FUCA2: variants seen among roughly 807,000 people sequenced by gnomAD.
FUCA2 encodes the protein alpha-L-fucosidase 2.
Under a neutral mutation model 52.6 loss-of-function variants are expected in FUCA2, and 41 were observed. The ratio of observed to expected loss-of-function variants is 0.78; its 90% CI spans 0.61 to 1.01. The LOEUF is 1.01. FUCA2 is among the 50% of genes least tolerant of loss of function. The pLI is 0.00. For synonymous variants in FUCA2, 211 were observed against 217.3 expected (o/e 0.97, Z 0.26); for missense variants, 507 against 569.5 (o/e 0.89, Z 1.12).
rs2128421923 is a variant in FUCA2, at chr6:143,502,208, T to C, written c.964-86A>G. The C allele has an allele frequency of 7.6e-7, 1 of 1,320,988 alleles. No individual in the cohort carries two copies. The highest frequency in any genetic ancestry group is 2.2e-4 in the Middle Eastern group (1 of 4,630). The allele number at this position is 1,320,988 out of a possible 1,614,324, so 81.8% of individuals were successfully genotyped here. On this transcript the variant is annotated intron_variant, in intron 4 of 6. Transcript: ENST00000002165. This position sits in a 1 kb window ranked among gnomAD's most constrained non-coding sequence, Gnocchi z 4.1. ...TATGTTGCATTTATATATTTATACA[T>C]GTATATATAGTCACTGCCTAGAAGA...
rs781434054 is a variant in FUCA2 at position 143,511,577 on chromosome 6, G to GCAGCAA, written c.52_57dup (p.Leu20_Leu21dup). On this transcript the variant is annotated inframe_insertion, in exon 1 of 7. Coordinates refer to ENST00000002165, the MANE Select transcript of FUCA2 (RefSeq NM_032020.5). The surrounding 1 kb of genome is among the most constrained non-coding windows in gnomAD (Gnocchi z 6.3). Reference sequence around the variant, plus strand: ...GCAGGGCACGGCGGCGGCGGCAGCAGCAGCAACAGCAACAGCAGCAACGGG... The same window carrying GCAGCAA: ...GCAGGGCACGGCGGCGGCGGCAGCAGCAGCAACAGCAACAGCAACAGCAGCAACGGG... 44 of 1,559,540 alleles carry GCAGCAA rather than the reference G, an allele frequency of 2.8e-5. No homozygotes were observed. Among genetic ancestry groups the GCAGCAA allele is most frequent in the East Asian group, 1.9e-4 (8 of 41,260 alleles).
chr6:143,507,679 C>CT lies in FUCA2; in HGVS notation c.225-256dup, dbSNP rs1204955549. Among the ~76,000 whole-genome samples the CT allele has an allele frequency of 6.6e-6, 1 of 151,872 alleles. No homozygotes were observed. Among genetic ancestry groups the CT allele is most frequent in the African/African-American group, 2.4e-5 (1 of 41,356 alleles). ...TAGGCAACTCAGCTACCCATTCTCT[C>CT]TTTTTTTTAAGACAGGGTCTCACTC... On this transcript the variant is annotated intron_variant, in intron 1 of 6. Coordinates refer to ENST00000002165, the MANE Select transcript of FUCA2 (RefSeq NM_032020.5). This position sits in a 1 kb window ranked among gnomAD's most constrained non-coding sequence, Gnocchi z 4.5.
rs1244238463 is a variant in FUCA2, at chr6:143,499,209, T to C, written c.1155-1712A>G. ...AAGAGGTCTGCACTGGAAATAGAAA[T>C]GTGGAGATCATCAATATGGCATTTA... On this transcript the variant is annotated intron_variant, in intron 5 of 6. Transcript: ENST00000002165. The surrounding 1 kb of genome is among the most constrained non-coding windows in gnomAD (Gnocchi z 6.0). Among the ~76,000 whole-genome samples the C allele has an allele frequency of 6.6e-6, 1 of 152,176 alleles. No homozygotes were observed. The highest frequency in any genetic ancestry group is 1.5e-5 in the Non-Finnish European group (1 of 68,036).
chr6:143,498,170 C>A (rs200455393), intron 5 of FUCA2, among the ~76,000 whole-genome samples: 23 of 148,374 alleles, frequency 1.6e-4, no homozygotes, highest in African/African-American at 2.0e-4. Context: ...ATGCTGTGGA[C>A]AAAAAAAAAA....
Position 143,495,385 on chromosome 6 carries a change from A to G in FUCA2, c.*322T>C, listed in dbSNP as rs1427786950. On this transcript the variant is annotated 3_prime_UTR_variant, in exon 7 of 7. Transcript: ENST00000002165. This position sits in a 1 kb window ranked among gnomAD's most constrained non-coding sequence, Gnocchi z 5.2. Reference sequence around the variant, plus strand: ...GCATAACTATATAATCATGGGGGATATGGCTTCAACATAAAATTTTCAGTT... The same window carrying G: ...GCATAACTATATAATCATGGGGGATGTGGCTTCAACATAAAATTTTCAGTT... The G allele has an allele frequency of 4.4e-6, 1 of 228,378 alleles. No individual in the cohort carries two copies. The highest frequency in any genetic ancestry group is 8.9e-5 in the East Asian group (1 of 11,224). The allele number at this position is 228,378 out of a possible 1,614,324, so 14.1% of individuals were successfully genotyped here.
Position 143,502,388 on chromosome 6 carries a change from G to T in FUCA2, c.930C>A (p.Ile310=). Residue 310 remains isoleucine (I), a synonymous_variant, in exon 4 of 7, where the codon ATC becomes ATA. Transcript: ENST00000002165. This position sits in a 1 kb window ranked among gnomAD's most constrained non-coding sequence, Gnocchi z 4.1. ...LSWGYRREAG[I]SDYLTIEELV... is the part of the protein sequence containing the mutation. ...ATTCTTCAATTGTAAGATAGTCAGA[G>T]ATTCCAGCTTCCCTCCTATAGCCCC... is the stretch of plus-strand genomic sequence containing the variant. 2 of 1,614,004 alleles carry T rather than the reference G, an allele frequency of 1.2e-6. No individual in the cohort carries two copies. The highest frequency in any genetic ancestry group is 1.7e-6 in the Non-Finnish European group (2 of 1,179,942).
At position 143,511,170 on chromosome 6, in the gene FUCA2, A is replaced by T. The variant is rs117458912; in HGVS notation, c.224+241T>A. On this transcript the variant is annotated intron_variant, in intron 1 of 6. Transcript: ENST00000002165. This position sits in a 1 kb window ranked among gnomAD's most constrained non-coding sequence, Gnocchi z 6.3. ...ACTATGAAGAAGCTGAGGAGTCAGG[A>T]GTATCTGAAAACTCTTACAGTCACA... Among the ~76,000 whole-genome samples the T allele has an allele frequency of 2.9e-3, 441 of 152,334 alleles. 2 individuals carry two copies. Among genetic ancestry groups the T allele is most frequent in the Non-Finnish European group, 4.9e-3 (330 of 68,032 alleles).
rs1780469283 is a variant in FUCA2 at position 143,497,023 on chromosome 6, A to C, written c.1263+366T>G. The C allele has an allele frequency of 6.3e-6, 1 of 158,738 alleles. No homozygotes were observed. Among genetic ancestry groups the C allele is most frequent in the Non-Finnish European group, 1.4e-5 (1 of 72,410 alleles). 9.8% of individuals were successfully genotyped at this position (158,738 alleles called of 1,614,324 possible). Reference sequence around the variant, plus strand: ...TTTCAGAGACAGGCTGAAGTGGTGCAGTCATAGCTTACTGTAGTCTTGACC... The same window carrying C: ...TTTCAGAGACAGGCTGAAGTGGTGCCGTCATAGCTTACTGTAGTCTTGACC... On this transcript the variant is annotated intron_variant, in intron 6 of 6. Transcript: ENST00000002165. The surrounding 1 kb of genome is among the most constrained non-coding windows in gnomAD (Gnocchi z 5.3).
In FUCA2 at chr6:143,509,083, G is replaced by T. The variant is rs1780648953; in HGVS notation, c.225-1659C>A. On this transcript the variant is annotated intron_variant, in intron 1 of 6. Transcript: ENST00000002165. This position sits in a 1 kb window ranked among gnomAD's most constrained non-coding sequence, Gnocchi z 5.4. ...AAAGAGAAACTGGGACATTCAGAAA[G>T]TTGAACAAGAATAAGGAATTTCTCC... Among the ~76,000 whole-genome samples, 2 of 152,242 alleles carry T rather than the reference G, an allele frequency of 1.3e-5. No homozygotes were observed. The highest frequency in any genetic ancestry group is 4.1e-4 in the South Asian group (2 of 4,826).
At chr6:143,498,891 G>A (rs551262783) in intron 5 of FUCA2, among the ~76,000 whole-genome samples, 2 of 152,318 alleles carry the variant, frequency 1.3e-5, no homozygotes, top group Non-Finnish European at 2.9e-5. Context: ...TTGCCACAGA[G>A]AGGATAAGAA....
rs769474240 is a variant in FUCA2, at chr6:143,502,380, T to C, written c.938A>G (p.Tyr313Cys). Residue 313 changes from tyrosine to cysteine, a missense_variant, in exon 4 of 7, where the codon TAT (tyrosine) becomes TGT (cysteine). Tyr to Cys is a radical substitution (Grantham distance 194, BLOSUM62 -2). Coordinates refer to ENST00000002165, the MANE Select transcript of FUCA2 (RefSeq NM_032020.5). This position sits in a 1 kb window ranked among gnomAD's most constrained non-coding sequence, Gnocchi z 4.1. ...CTTCACCAATTCTTCAATTGTAAGA[T>C]AGTCAGAGATTCCAGCTTCCCTCCT... The part of the protein sequence containing the change: ...GYRREAGISD[Y>C]LTIEELVKQL... 1.2e-6 allele frequency: 2 copies of C among 1,613,984 alleles called. No homozygotes were observed. Among genetic ancestry groups the C allele is most frequent in the African/African-American group, 1.3e-5 (1 of 75,024 alleles).
At position 143,510,447 on chromosome 6, in the gene FUCA2, C is replaced by A. The variant is rs1329817653; in HGVS notation, c.224+964G>T. 1.3e-5 allele frequency among the ~76,000 whole-genome samples: 2 copies of A among 152,058 alleles called. No homozygotes were observed. Among genetic ancestry groups the A allele is most frequent in the African/African-American group, 2.4e-5 (1 of 41,384 alleles). ...GGTCAGGAGTTCAAGACCAGCCTGG[C>A]TAACATGGCAAAACCCCGTTTCTAC... On this transcript the variant is annotated intron_variant, in intron 1 of 6. Coordinates refer to ENST00000002165, the MANE Select transcript of FUCA2 (RefSeq NM_032020.5). The surrounding 1 kb of genome is among the most constrained non-coding windows in gnomAD (Gnocchi z 4.4).
Position 143,502,279 on chromosome 6 carries a change from C to T in FUCA2, c.963+76G>A, listed in dbSNP as rs1584027204. On this transcript the variant is annotated intron_variant, in intron 4 of 6. Coordinates refer to ENST00000002165, the MANE Select transcript of FUCA2 (RefSeq NM_032020.5). This position sits in a 1 kb window ranked among gnomAD's most constrained non-coding sequence, Gnocchi z 4.1. ...TGTCCTATATTTATAGGCCATTGAG[C>T]CATAGAAGAAATAATTCCTACATGA... 2.7e-6 allele frequency: 4 copies of T among 1,456,692 alleles called. No individual in the cohort carries two copies. The highest frequency in any genetic ancestry group is 4.5e-5 in the East Asian group (2 of 44,026). The allele number at this position is 1,456,692 out of a possible 1,614,324, so 90.2% of individuals were successfully genotyped here.
chr6:143,499,877 T>G lies in FUCA2; in HGVS notation c.1154+2055A>C, dbSNP rs1381594542. On this transcript the variant is annotated intron_variant, in intron 5 of 6. Coordinates refer to ENST00000002165, the MANE Select transcript of FUCA2 (RefSeq NM_032020.5). This position sits in a 1 kb window ranked among gnomAD's most constrained non-coding sequence, Gnocchi z 6.0. ...TGAAAACAATCCTTTCAAGACGTTT[T>G]ACTACAAAGGAAAGGAGAGAAATGG... is the stretch of plus-strand genomic sequence containing the variant. 6.6e-6 allele frequency among the ~76,000 whole-genome samples: 1 copy of G among 152,150 alleles called. No homozygotes were observed. Among genetic ancestry groups the G allele is most frequent in the East Asian group, 1.9e-4 (1 of 5,194 alleles).
At position 143,500,952 on chromosome 6, in the gene FUCA2, A is replaced by G. The variant is rs1780520099; in HGVS notation, c.1154+980T>C. Among the ~76,000 whole-genome samples, 1 of 152,210 alleles carries G rather than the reference A, an allele frequency of 6.6e-6. No individual in the cohort carries two copies. Among genetic ancestry groups the G allele is most frequent in the Non-Finnish European group, 1.5e-5 (1 of 68,038 alleles). On this transcript the variant is annotated intron_variant, in intron 5 of 6. Coordinates refer to ENST00000002165, the MANE Select transcript of FUCA2 (RefSeq NM_032020.5). This position sits in a 1 kb window ranked among gnomAD's most constrained non-coding sequence, Gnocchi z 6.9. ...AGGGAAGTTGGTAGGAGCCAGACTC[A>G]CAGTTTTATAAGCCACATTAAATAT...
rs1034106982 is a variant in FUCA2, at chr6:143,509,696, A to C, written c.224+1715T>G. On this transcript the variant is annotated intron_variant, in intron 1 of 6. Transcript: ENST00000002165. The surrounding 1 kb of genome is among the most constrained non-coding windows in gnomAD (Gnocchi z 5.4). ...ATTCCTTACAGCCCAAAACATGCAA[A>C]TAAAGATTTGTAACATCTTTTTGAA... Among the ~76,000 whole-genome samples, 1 of 152,242 alleles carries C rather than the reference A, an allele frequency of 6.6e-6. No homozygotes were observed. The highest frequency in any genetic ancestry group is 1.5e-5 in the Non-Finnish European group (1 of 68,042).
In FUCA2 at chr6:143,507,644, T is replaced by C. The variant is rs1780626792; in HGVS notation, c.225-220A>G. 6.6e-6 allele frequency among the ~76,000 whole-genome samples: 1 copy of C among 152,022 alleles called. No individual in the cohort carries two copies. Among genetic ancestry groups the C allele is most frequent in the African/African-American group, 2.4e-5 (1 of 41,394 alleles). On this transcript the variant is annotated intron_variant, in intron 1 of 6. Transcript: ENST00000002165. The surrounding 1 kb of genome is among the most constrained non-coding windows in gnomAD (Gnocchi z 4.5). ...TGTGATATCCACTCAGCTCATAAAC[T>C]AGAGCATTCTAGGCAACTCAGCTAC...
In FUCA2 at chr6:143,510,872, T is replaced by C. The variant is rs1289186140; in HGVS notation, c.224+539A>G. Among the ~76,000 whole-genome samples the C allele has an allele frequency of 2.6e-5, 4 of 152,164 alleles. No individual in the cohort carries two copies. Among genetic ancestry groups the C allele is most frequent in the Non-Finnish European group, 4.4e-5 (3 of 68,032 alleles). On this transcript the variant is annotated intron_variant, in intron 1 of 6. Coordinates refer to ENST00000002165, the MANE Select transcript of FUCA2 (RefSeq NM_032020.5). This position sits in a 1 kb window ranked among gnomAD's most constrained non-coding sequence, Gnocchi z 4.4. ...AACTGGGTTGTGTTAAGAGTACCAT[T>C]CTAGAACCTCTTTAAAAAGTTCCTA...
Position 143,503,690 on chromosome 6 carries a change from A to G in FUCA2, c.752+223T>C, listed in dbSNP as rs945490508. The G allele has an allele frequency of 1.5e-5, 7 of 461,930 alleles. No homozygotes were observed. The Admixed American group carries it at 2.3e-4, about 15-fold the overall frequency. 28.6% of individuals were successfully genotyped at this position (461,930 alleles called of 1,614,324 possible). A position where few individuals can be genotyped will look rare whatever the true frequency, so the allele number is the denominator to read the frequency against. On this transcript the variant is annotated intron_variant, in intron 3 of 6. Coordinates refer to ENST00000002165, the MANE Select transcript of FUCA2 (RefSeq NM_032020.5). The surrounding 1 kb of genome is among the most constrained non-coding windows in gnomAD (Gnocchi z 4.8). ...TCTTGATCCTGTGATTTTTAGTCTG[A>G]TCTCAAAATCAGACCATTGAGTTGG...
Sources: gnomAD v4.1 joint callset for allele counts (sites outside exome capture counted in the v4.1 genomes callset) on GRCh38, gnomAD v4.1.1 for gene constraint, Gnocchi (gnomAD v3.1) non-coding constraint, MANE v1.5 for transcripts, NCBI Gene and HGNC (gene_info 2026-07-23, HGNC 2026-07-21) for gene names.